Variants in POFUT3 observed in about 807,000 individuals in gnomAD.
POFUT3 encodes the protein protein O-fucosyltransferase 3.
the POFUT3 span, among the ~76,000 whole-genome samples, chr8:33,321,501 T>A: frequency 2.0e-4 from 30 of 152,246 alleles, no homozygotes; most frequent in African/African-American, 6.0e-4. Context: ...CTTTGGCTTC[T>A]CGCAGCAGGG....
the POFUT3 span, among the ~76,000 whole-genome samples, chr8:33,435,659 G>A: frequency 1.3e-5 from 2 of 151,366 alleles, no homozygotes; most frequent in Non-Finnish European, 1.5e-5. Flanking sequence ...GGGATTACAG[G>A]TGTGTGCCAC....
the POFUT3 span, among the ~76,000 whole-genome samples, chr8:33,384,744 C>G: frequency 6.6e-6 from 1 of 152,102 alleles, no homozygotes; most frequent in South Asian, 2.1e-4. Flanking sequence ...TCATTTGAAC[C>G]CGGGAGGCAG....
At chr8:33,379,656 C>A in the POFUT3 span, among the ~76,000 whole-genome samples, 1 of 150,806 alleles carries the variant, frequency 6.6e-6, no homozygotes, top group East Asian at 2.0e-4. Context: ...GCCAACATGG[C>A]GAAACCCTGT....
chr8:33,345,650 G>A, the POFUT3 span, among the ~76,000 whole-genome samples: 4 of 151,460 alleles, frequency 2.6e-5, no homozygotes, highest in African/African-American at 7.3e-5. Flanking sequence ...ATCCGCCCAC[G>A]TAGGCCTCCC....
the POFUT3 span, among the ~76,000 whole-genome samples, chr8:33,395,820 C>CT: frequency 6.6e-6 from 1 of 152,168 alleles, no homozygotes; most frequent in Non-Finnish European, 1.5e-5. Context: ...CCCAAAAGCA[C>CT]TTGCCCAGGC....
the POFUT3 span, among the ~76,000 whole-genome samples, chr8:33,350,811 G>A: frequency 6.6e-6 from 1 of 152,080 alleles, no homozygotes; most frequent in African/African-American, 2.4e-5. Context: ...CAGGAAAAGG[G>A]GAGTATTGAC....
chr8:33,350,373 T>C, the POFUT3 span, among the ~76,000 whole-genome samples: 2 of 152,168 alleles, frequency 1.3e-5, no homozygotes, highest in South Asian at 4.1e-4. Flanking sequence ...AGGCCCTGTC[T>C]TCTCCCTGAA....
chr8:33,386,188 C>CAAAAAA, the POFUT3 span, among the ~76,000 whole-genome samples: 134 of 32,038 alleles, frequency 4.2e-3, 8 homozygotes, highest in Middle Eastern at 0.053. Flanking sequence ...GGCTCCATCT[C>CAAAAAA]AAAAAAAAAA....
the POFUT3 span, among the ~76,000 whole-genome samples, chr8:33,417,054 T>C: frequency 1.3e-5 from 2 of 152,066 alleles, no homozygotes; most frequent in Non-Finnish European, 2.9e-5. Flanking sequence ...ACATCATCTG[T>C]ATTTACAGCC....
chr8:33,471,495 C>A, the POFUT3 span, among the ~76,000 whole-genome samples: 15 of 152,158 alleles, frequency 9.9e-5, no homozygotes, highest in African/African-American at 3.4e-4. Flanking sequence ...CGTGATCCGC[C>A]CGCCTCGGTC....
At chr8:33,330,783 AAACCC>A in the POFUT3 span, among the ~76,000 whole-genome samples, 1 of 151,932 alleles carries the variant, frequency 6.6e-6, no homozygotes, top group Non-Finnish European at 1.5e-5. Context: ...CCTTCCTTAA[AAACCC>A]ATGCTCCAGT....
At chr8:33,430,358 T>C in the POFUT3 span, among the ~76,000 whole-genome samples, 1 of 152,158 alleles carries the variant, frequency 6.6e-6, no homozygotes, top group African/African-American at 2.4e-5. Context: ...TTTAGAGGCT[T>C]AAAGGAAACC....
At chr8:33,318,135 T>C in the POFUT3 span, among the ~76,000 whole-genome samples, 2 of 152,044 alleles carry the variant, frequency 1.3e-5, no homozygotes, top group Non-Finnish European at 2.9e-5. Flanking sequence ...GACCAGCTTC[T>C]ACGTCTCTGT....
the POFUT3 span, among the ~76,000 whole-genome samples, chr8:33,316,251 A>AG: frequency 6.6e-6 from 1 of 152,140 alleles, no homozygotes. Context: ...TCCTGGGGTC[A>AG]GGAGAGCTTC....
chr8:33,472,545 C>A, the POFUT3 span, among the ~76,000 whole-genome samples: 1 of 152,214 alleles, frequency 6.6e-6, no homozygotes, highest in Admixed American at 6.5e-5. Flanking sequence ...ATTAAATACG[C>A]CGTATTCTCT....
chr8:33,456,961 G>A, the POFUT3 span, among the ~76,000 whole-genome samples: 1 of 151,736 alleles, frequency 6.6e-6, no homozygotes, highest in Admixed American at 6.6e-5. Flanking sequence ...AGTAGAGACG[G>A]GGTTTCACCA....
the POFUT3 span, among the ~76,000 whole-genome samples, chr8:33,343,486 G>C: frequency 6.6e-6 from 1 of 152,174 alleles, no homozygotes; most frequent in South Asian, 2.1e-4. Context: ...GAAATGTACT[G>C]CCTCTCCAAT....
At chr8:33,456,801 GCT>G in the POFUT3 span, among the ~76,000 whole-genome samples, 4 of 138,524 alleles carry the variant, frequency 2.9e-5, no homozygotes, top group Admixed American at 3.1e-4. Flanking sequence ...ACAGAGTCTC[GCT>G]CTGTCACCAG....
At chr8:33,344,739 A>G in the POFUT3 span, among the ~76,000 whole-genome samples, 2 of 152,242 alleles carry the variant, frequency 1.3e-5, no homozygotes, top group Admixed American at 1.3e-4. Context: ...CGTTCCAGCT[A>G]AAATCTAAGG....
Sources: gnomAD v4.1 joint callset for allele counts (sites outside exome capture counted in the v4.1 genomes callset) on GRCh38, gnomAD v4.1.1 for gene constraint, MANE v1.5 for transcripts, NCBI Gene and HGNC (gene_info 2026-07-23, HGNC 2026-07-21) for gene names.